RIF1: variants seen among roughly 807,000 people sequenced by gnomAD.
RIF1 encodes telomere-associated protein RIF1.
In RIF1, 45 loss-of-function variants were observed where a neutral mutation model predicts 247.1. The ratio of observed to expected loss-of-function variants is 0.18; its 90% CI spans 0.14 to 0.23. The LOEUF (loss-of-function observed/expected upper bound fraction) is 0.23, where lower values mean the gene tolerates loss of function less well. Ranked by LOEUF, RIF1 falls within the 10% of genes least tolerant of loss-of-function variation. The pLI, the probability that RIF1 is intolerant of heterozygous loss-of-function variation, is 1.00. For synonymous variants in RIF1, 1,087 were observed against 978.8 expected (o/e 1.11, Z -2.06); for missense variants, 2,967 against 2,862.5 (o/e 1.04, Z -0.83).
At chr2:151,451,095 CT>C (rs376502781) in intron 20 of RIF1, among the ~76,000 whole-genome samples, 20 of 152,138 alleles carry the variant, frequency 1.3e-4, no homozygotes, top group African/African-American at 4.6e-4. Context: ...CAGCAGTTAA[CT>C]GAAAAAGATT....
chr2:151,531,932 T>C, the RIF1 span: 3 of 1,383,368 alleles, frequency 2.2e-6, no homozygotes, highest in Non-Finnish European at 3.0e-6. Context: ...CTCTAAGAAG[T>C]TGTAGAGTGG....
chr2:151,419,222 T>C (rs1439638633), intron 6 of RIF1, among the ~76,000 whole-genome samples: 2 of 151,832 alleles, frequency 1.3e-5, no homozygotes, highest in Non-Finnish European at 2.9e-5. Context: ...CAAGTAGGAG[T>C]AAACTCTAAT....
intron 7 of RIF1, among the ~76,000 whole-genome samples, chr2:151,421,900 T>C (rs2432945): frequency 0.36 from 54,151 of 151,580 alleles, 9,796 homozygotes; most frequent in African/African-American, 0.41. Context: ...AGTGGCGCAG[T>C]CTCAGCTCAC....
chr2:151,501,737 C>G (rs1301242860), intron 11 of RIF1, among the ~76,000 whole-genome samples: 1 of 152,028 alleles, frequency 6.6e-6, no homozygotes, highest in South Asian at 2.1e-4. Flanking sequence ...TTATGTAGGC[C>G]TTCTCTCAAA....
intron 9 of RIF1, among the ~76,000 whole-genome samples, chr2:151,429,163 T>C (rs1396649763): frequency 1.3e-5 from 2 of 152,198 alleles, no homozygotes; most frequent in Non-Finnish European, 2.9e-5. Context: ...TGAAAAATAA[T>C]GATTTGTGGC....
At chr2:151,509,614 T>C (rs1034777379), downstream of RIF1, among the ~76,000 whole-genome samples, 1 of 147,724 alleles carries the variant, frequency 6.8e-6, no homozygotes, top group Non-Finnish European at 1.5e-5. Flanking sequence ...GGAAGAGAGG[T>C]TTTTTTTTTG....
chr2:151,526,991 T>C, the RIF1 span: 1 of 1,602,766 alleles, frequency 6.2e-7, no homozygotes, highest in Non-Finnish European at 8.5e-7. Flanking sequence ...CTTGCAACCC[T>C]TGAGGAACTC....
In RIF1 at chr2:151,437,235, T is replaced by G; in HGVS notation, c.1373-6T>G. 6.3e-7 allele frequency: 1 copy of G among 1,598,886 alleles called. No homozygotes were observed. The highest frequency in any genetic ancestry group is 1.1e-5 in the South Asian group (1 of 90,598). ...TACATAATTATCTTTTATTCTTCCC[T>G]TTCAGAGCCATTGGAACATCCGTTA... On this transcript the variant is annotated splice_region_variant and splice_polypyrimidine_tract_variant and intron_variant, in intron 12 of 35. Coordinates refer to ENST00000444746, the MANE Select transcript of RIF1 (RefSeq NM_018151.5).
At chr2:151,487,426 A>T (rs937141927) in intron 9 of RIF1, among the ~76,000 whole-genome samples, 1 of 152,238 alleles carries the variant, frequency 6.6e-6, no homozygotes, top group Non-Finnish European at 1.5e-5. Context: ...ATTCAAATTC[A>T]CAAATAGATT....
chr2:151,424,983 C>T (rs528314232), intron 8 of RIF1, among the ~76,000 whole-genome samples: 99 of 151,954 alleles, frequency 6.5e-4, no homozygotes, highest in African/African-American at 2.4e-3. Flanking sequence ...CAGCCAGCAC[C>T]AAACTCTTCT....
intron 14 of RIF1, 142 bp from the exon 15 acceptor site, chr2:151,439,885 A>AT (rs1691949435): frequency 7.8e-6 from 4 of 509,878 alleles, no homozygotes; most frequent in Non-Finnish European, 1.0e-5. Flanking sequence ...AGGCAGGAGA[A>AT]TCGCTTGAAC....
At chr2:151,484,262 G>A (rs777088191), downstream of RIF1, among the ~76,000 whole-genome samples, 3 of 152,140 alleles carry the variant, frequency 2.0e-5, no homozygotes, top group Non-Finnish European at 4.4e-5. Context: ...CCTGCAAAGT[G>A]TGCCTTGGCA....
chr2:151,508,250 G>C, downstream of RIF1: 1 of 545,514 alleles, frequency 1.8e-6, no homozygotes, highest in Non-Finnish European at 3.2e-6. Context: ...AAGGATGTTA[G>C]GGCATCGCAA....
At chr2:151,441,364 C>T (rs1185758474) in intron 15 of RIF1, among the ~76,000 whole-genome samples, 1 of 152,010 alleles carries the variant, frequency 6.6e-6, no homozygotes, top group Non-Finnish European at 1.5e-5. Flanking sequence ...TGCAGAATTT[C>T]TATTAGTAGT....
At chr2:151,533,670 T>C in the RIF1 span, 1 of 631,502 alleles carries the variant, frequency 1.6e-6, no homozygotes, top group Non-Finnish European at 2.8e-6. Context: ...TACTCACATA[T>C]GTGCGGGTGA....
intron 9 of RIF1, chr2:151,492,078 C>A: frequency 6.2e-7 from 1 of 1,612,492 alleles, no homozygotes; most frequent in South Asian, 1.1e-5. Flanking sequence ...AATCCCCTCC[C>A]CCAACCCAGG....
chr2:151,493,943 A>G, intron 9 of RIF1: 1 of 1,112,726 alleles, frequency 9.0e-7, no homozygotes, highest in Non-Finnish European at 1.3e-6. Flanking sequence ...AGTTGGGGGG[A>G]AATGTTATGT....
At chr2:151,519,997 A>G in the RIF1 span, 1 of 350,772 alleles carries the variant, frequency 2.9e-6, no homozygotes, top group East Asian at 4.4e-5. Context: ...TTTTTATATT[A>G]TTCCAAGGTA....
exon 14 of RIF1, chr2:151,507,796 C>T (rs180942330): frequency 1.0e-4 from 54 of 529,974 alleles, no homozygotes; most frequent in African/African-American, 4.9e-4. Flanking sequence ...ATACCACCAA[C>T]GAAGTAACAG....
Sources: allele counts gnomAD v4.1 joint callset (sites outside exome capture counted in the v4.1 genomes callset), GRCh38; gene constraint gnomAD v4.1.1; transcripts MANE v1.5; gene names NCBI Gene and HGNC (gene_info 2026-07-23, HGNC 2026-07-21).